INSR: variants seen among roughly 807,000 people sequenced by gnomAD.
INSR encodes IR.
A neutral mutation model predicts 142.6 loss-of-function variants in INSR; 67 were observed. The ratio of observed to expected loss-of-function variants is 0.47; its 90% confidence interval spans 0.39 to 0.58. INSR has a LOEUF of 0.58. Ranked by LOEUF, INSR falls within the 20% of genes least tolerant of loss-of-function variation. The probability of loss-of-function intolerance (pLI) is 0.00; values close to 1 mark genes in which losing one functional copy is unlikely to be tolerated. For synonymous variants in INSR, 756 were observed against 743.1 expected (o/e 1.02, Z -0.28); for missense variants, 1,248 against 1,833.2 (o/e 0.68, Z 5.83).
intron 2 of INSR, among the ~76,000 whole-genome samples, chr19:7,224,313 T>G (rs1322582772): frequency 2.6e-5 from 4 of 151,716 alleles, no homozygotes; most frequent in Admixed American, 6.6e-5. Flanking sequence ...AATCTCCGTT[T>G]CAGTCTTTCT....
chr19:7,249,821 T>C (rs928529670), intron 2 of INSR, among the ~76,000 whole-genome samples: 5 of 152,040 alleles, frequency 3.3e-5, no homozygotes, highest in Non-Finnish European at 7.4e-5. Context: ...TGAAACCCCG[T>C]CTCTACTAAA....
In INSR at chr19:7,294,062, G is replaced by C. The variant is rs1968574571; in HGVS notation, c.-171C>G. ...CCGGGGAGGGCCCAGAGGCAGCCCC[G>C]GGAAGGGCGCGCGCGGCTTCGCCAG... On this transcript the variant is annotated 5_prime_UTR_variant, in exon 1 of 22. Coordinates refer to ENST00000302850, the MANE Select transcript of INSR (RefSeq NM_000208.4). 4.9e-6 allele frequency: 3 copies of C among 608,224 alleles called. No homozygotes were observed. The African/African-American group carries it at 5.9e-5, about 12-fold the overall frequency. 37.7% of individuals were successfully genotyped at this position (608,224 alleles called of 1,614,324 possible). A position where few individuals can be genotyped will look rare whatever the true frequency, so the allele number is the denominator to read the frequency against.
intron 2 of INSR, among the ~76,000 whole-genome samples, chr19:7,197,999 C>A (rs1405662766): frequency 7.8e-6 from 1 of 128,444 alleles, no homozygotes; most frequent in Non-Finnish European, 1.7e-5. Flanking sequence ...GTGTGTGTGT[C>A]CATGGTGGGC....
At chr19:7,149,505 T>C (rs1028627178) in intron 11 of INSR, among the ~76,000 whole-genome samples, 2 of 152,106 alleles carry the variant, frequency 1.3e-5, no homozygotes, top group Non-Finnish European at 2.9e-5. Flanking sequence ...TACTGCTTCA[T>C]TCTCTTAAGA....
chr19:7,119,831 C>T lies in INSR; in HGVS notation c.3660-248G>A, dbSNP rs948986449. ...ACACAAACACATATACACACACAAACACACACACCCAAACACACACACGCA... is the reference window on the plus strand; with the variant it reads ...ACACAAACACATATACACACACAAATACACACACCCAAACACACACACGCA... On this transcript the variant is annotated intron_variant, in intron 20 of 21. Transcript: ENST00000302850. The surrounding 1 kb of genome is among the most constrained non-coding windows in gnomAD (Gnocchi z 5.2). Among the ~76,000 whole-genome samples the T allele has an allele frequency of 1.8e-5, 2 of 112,418 alleles. No individual in the cohort carries two copies. Among genetic ancestry groups the T allele is most frequent in the East Asian group, 4.8e-4 (2 of 4,140 alleles). 73.8% of individuals were successfully genotyped at this position (112,418 alleles called of 152,430 possible). A position where few individuals can be genotyped will look rare whatever the true frequency, so the allele number is the denominator to read the frequency against.
intron 9 of INSR, among the ~76,000 whole-genome samples, chr19:7,153,346 ACAGACCACACACCACACACCC>A (rs1973482105): frequency 6.8e-4 from 2 of 2,930 alleles, no homozygotes; most frequent in Non-Finnish European, 1.3e-3. Context: ...GCCACACACC[ACAGACCACACACCACACACCC>A]CACACACACC....
Position 7,266,303 on chromosome 19 carries a change from G to T in INSR, c.652+1042C>A, listed in dbSNP as rs79415843. ...GACCCAGAAATTGCACTTCTGGAAAGCAAGCCTAAAGAAACAACTGCTAGA... is the reference window on the plus strand; with the variant it reads ...GACCCAGAAATTGCACTTCTGGAAATCAAGCCTAAAGAAACAACTGCTAGA... On this transcript the variant is annotated intron_variant, in intron 2 of 21. Coordinates refer to ENST00000302850, the MANE Select transcript of INSR (RefSeq NM_000208.4). 7.9e-5 allele frequency among the ~76,000 whole-genome samples: 12 copies of T among 151,880 alleles called. No homozygotes were observed. In the East Asian group the frequency reaches 2.3e-3, roughly 29 times the overall value.
intron 2 of INSR, among the ~76,000 whole-genome samples, chr19:7,222,106 A>G (rs1192506315): frequency 7.3e-6 from 1 of 136,928 alleles, no homozygotes; most frequent in Admixed American, 8.3e-5. Context: ...GCTAGAAGAC[A>G]CTCTGAGCCT....
At chr19:7,183,299 T>TGTGTGTGTGTG (rs1555746461) in intron 3 of INSR, among the ~76,000 whole-genome samples, 2 of 147,938 alleles carry the variant, frequency 1.4e-5, no homozygotes, top group South Asian at 2.2e-4. Flanking sequence ...TGTGTGTGTG[T>TGTGTGTGTGTG]TTTAAAACAA....
In INSR at chr19:7,146,240, T is replaced by C. The variant is rs1017786492; in HGVS notation, c.2268-3150A>G. ...GTGCAGTATCTTTGTCAAGTTCTTTTTTTTTTTTTTTTTTTTTTGAGACAG... is the reference window on the plus strand; with the variant it reads ...GTGCAGTATCTTTGTCAAGTTCTTTCTTTTTTTTTTTTTTTTTTGAGACAG... On this transcript the variant is annotated intron_variant, in intron 11 of 21. Coordinates refer to ENST00000302850, the MANE Select transcript of INSR (RefSeq NM_000208.4). Among the ~76,000 whole-genome samples the C allele has an allele frequency of 1.0e-4, 15 of 147,072 alleles. No homozygotes were observed. In the South Asian group the frequency reaches 2.4e-3, roughly 23 times the overall value.
intron 9 of INSR, among the ~76,000 whole-genome samples, chr19:7,158,437 C>G (rs956179830): frequency 6.6e-6 from 1 of 152,014 alleles, no homozygotes; most frequent in Non-Finnish European, 1.5e-5. Context: ...GGAGGCGGAG[C>G]TTGCAGTGAG....
At chr19:7,120,045 C>T (rs1972451041) in intron 20 of INSR, among the ~76,000 whole-genome samples, 1 of 152,182 alleles carries the variant, frequency 6.6e-6, no homozygotes, top group African/African-American at 2.4e-5. Flanking sequence ...GGAAAAAGTC[C>T]AGCTAGGAAC....
chr19:7,238,552 T>C (rs1202072513), intron 2 of INSR, among the ~76,000 whole-genome samples: 1 of 130,992 alleles, frequency 7.6e-6, no homozygotes. Context: ...ACCCAGGAGG[T>C]AGAGGTTGCA....
chr19:7,227,162 C>T (rs145604292), intron 2 of INSR, among the ~76,000 whole-genome samples: 1,746 of 152,228 alleles, frequency 0.011, 35 homozygotes, highest in African/African-American at 0.039. Flanking sequence ...TGGTTATTTT[C>T]AATAGGTTTG....
rs1407431347 is a variant in INSR at position 7,258,705 on chromosome 19, T to C, written c.652+8640A>G. Among the ~76,000 whole-genome samples, 3 of 149,244 alleles carry C rather than the reference T, an allele frequency of 2.0e-5. No individual in the cohort carries two copies. The East Asian group carries it at 5.8e-4, about 29-fold the overall frequency. On this transcript the variant is annotated intron_variant, in intron 2 of 21. Transcript: ENST00000302850. ...TAGTAAGTGCTCAGTAAACACTAGC[T>C]ATTGATGAGTGTTAAGGATGTCATT...
chr19:7,225,962 C>T lies in INSR; in HGVS notation c.653-41325G>A, dbSNP rs752643168. ...AATCCAGCCCCAGTATCCGCAGGCC[C>T]CAGGTGGAGAAACCCCGTCCCGGAA... is the stretch of plus-strand genomic sequence containing the variant. On this transcript the variant is annotated intron_variant, in intron 2 of 21. Coordinates refer to ENST00000302850, the MANE Select transcript of INSR (RefSeq NM_000208.4). The surrounding 1 kb of genome is among the most constrained non-coding windows in gnomAD (Gnocchi z 4.7). Among the ~76,000 whole-genome samples, 7 of 152,196 alleles carry T rather than the reference C, an allele frequency of 4.6e-5. No homozygotes were observed. The highest frequency in any genetic ancestry group is 8.8e-5 in the Non-Finnish European group (6 of 68,036).
intron 2 of INSR, among the ~76,000 whole-genome samples, chr19:7,234,684 G>C (rs1976101980): frequency 6.6e-6 from 1 of 152,158 alleles, no homozygotes; most frequent in African/African-American, 2.4e-5. Flanking sequence ...CCGAGTATCA[G>C]GATCTAAGGA....
chr19:7,277,820 G>A (rs986906736), intron 1 of INSR, among the ~76,000 whole-genome samples: 7 of 149,738 alleles, frequency 4.7e-5, no homozygotes, highest in East Asian at 2.0e-4. Context: ...GGCCGGACAC[G>A]GTGGCTCACG....
intron 2 of INSR, among the ~76,000 whole-genome samples, chr19:7,229,008 C>T (rs200295257): frequency 1.7e-4 from 11 of 63,034 alleles, no homozygotes; most frequent in Admixed American, 1.3e-3. Flanking sequence ...GATGGATGGA[C>T]GTCTGGGTGG....
Sources: gnomAD v4.1 joint callset for allele counts (sites outside exome capture counted in the v4.1 genomes callset) on GRCh38, gnomAD v4.1.1 for gene constraint, Gnocchi (gnomAD v3.1) non-coding constraint, MANE v1.5 for transcripts, NCBI Gene and HGNC (gene_info 2026-07-23, HGNC 2026-07-21) for gene names.